The following ARL13B variants were observed in gnomAD, a reference collection of about 807,000 sequenced individuals.
The protein encoded by ARL13B is ADP-ribosylation factor-like protein 13B.
In ARL13B, 36 loss-of-function variants were observed where a neutral mutation model predicts 56.1. The ratio of observed to expected loss-of-function variants is 0.64; its 90% CI spans 0.49 to 0.85. The LOEUF is 0.85. Among genes scored for constraint, ARL13B ranks in the 40% least tolerant of loss-of-function variants. ARL13B has a pLI of 0.00. For synonymous variants in ARL13B, 178 were observed against 171.1 expected, an observed-to-expected ratio of 1.04 and a Z score of -0.32; for missense variants, 519 against 507.1, an observed-to-expected ratio of 1.02 and a Z score of -0.23.
intron 1 of ARL13B, among the ~76,000 whole-genome samples, chr3:93,987,235 C>T (rs538218854): frequency 2.6e-5 from 4 of 151,930 alleles, no homozygotes; most frequent in South Asian, 4.2e-4. Flanking sequence ...TCAAACAGTC[C>T]TCCTGTCTTG....
At chr3:94,042,455 A>G (rs2076879764) in intron 6 of ARL13B, among the ~76,000 whole-genome samples, 1 of 152,236 alleles carries the variant, frequency 6.6e-6, no homozygotes, top group South Asian at 2.1e-4. Context: ...TATGCTATAA[A>G]CATTCAAAAT....
At position 94,055,560 on chromosome 3, in the gene ARL13B, T is replaced by G. The variant is rs149269561; in HGVS notation, c.*2297T>G. ...CGTTAAAGCTGTTGGTCAACAGATA[T>G]GTTTTTATGTATTTAAAAGAGGCTC... On this transcript the variant is annotated 3_prime_UTR_variant, in exon 10 of 10. Transcript: ENST00000394222. 1 of 453,958 alleles carries G rather than the reference T, an allele frequency of 2.2e-6. No homozygotes were observed. Among genetic ancestry groups the G allele is most frequent in the Non-Finnish European group, 4.4e-6 (1 of 226,678 alleles). The allele number at this position is 453,958 out of a possible 1,614,324, so 28.1% of individuals were successfully genotyped here. A position where few individuals can be genotyped will look rare whatever the true frequency, so the allele number is the denominator to read the frequency against.
intron 1 of ARL13B, among the ~76,000 whole-genome samples, chr3:93,992,486 C>A (rs982344755): frequency 6.6e-6 from 1 of 152,066 alleles, no homozygotes; most frequent in African/African-American, 2.4e-5. Context: ...CTGTAATTAC[C>A]TCTCCAGTGC....
intron 3 of ARL13B, chr3:94,015,221 G>C (rs1361599470): frequency 3.1e-6 from 5 of 1,589,082 alleles, no homozygotes; most frequent in Non-Finnish European, 4.3e-6. Context: ...TCTCTAGAGA[G>C]TTCAATTTCC....
chr3:94,049,584 AAAAG>A (rs1348879004), intron 8 of ARL13B, 62 bp downstream of exon 8: 12 of 1,172,024 alleles, frequency 1.0e-5, no homozygotes, highest in African/African-American at 1.5e-5. Context: ...GAGAAAAAAA[AAAAG>A]AAAAAAGGAA....
chr3:94,014,066 A>T (rs1332029708), intron 3 of ARL13B, among the ~76,000 whole-genome samples: 1 of 152,232 alleles, frequency 6.6e-6, no homozygotes, highest in East Asian at 1.9e-4. Flanking sequence ...ATTACTACTT[A>T]ACACATGAGA....
At position 94,004,666 on chromosome 3, in the gene ARL13B, A is replaced by G. The variant is rs1313945211; in HGVS notation, c.380+758A>G. Among the ~76,000 whole-genome samples the G allele has an allele frequency of 3.3e-5, 5 of 151,828 alleles. No individual in the cohort carries two copies. The East Asian group carries it at 9.6e-4, about 29-fold the overall frequency. ...AAAAATCAACCTGTCATGTGGTTAGATGAAAAATTGTAGAGTTTCTCAGTG... is the reference window on the plus strand; with the variant it reads ...AAAAATCAACCTGTCATGTGGTTAGGTGAAAAATTGTAGAGTTTCTCAGTG... On this transcript the variant is annotated intron_variant, in intron 3 of 9. Transcript: ENST00000394222.
In ARL13B at chr3:94,009,988, A is replaced by ATATT. The variant is rs576819592; in HGVS notation, c.380+6081_380+6084dup. ...TTTGGCAGTGTTACTACGTAGCAAG[A>ATATT]TATTGTCCATGGACCACCTGCATCA... On this transcript the variant is annotated intron_variant, in intron 3 of 9. Coordinates refer to ENST00000394222, the MANE Select transcript of ARL13B (RefSeq NM_001174150.2). 3.1e-3 allele frequency among the ~76,000 whole-genome samples: 475 copies of ATATT among 152,234 alleles called. 4 individuals are homozygous for ATATT. The highest frequency in any genetic ancestry group is 0.011 in the African/African-American group (452 of 41,562).
At chr3:93,983,146 C>T (rs1164387983) in intron 1 of ARL13B, among the ~76,000 whole-genome samples, 1 of 152,050 alleles carries the variant, frequency 6.6e-6, no homozygotes, top group Non-Finnish European at 1.5e-5. Context: ...ATTCTGTACC[C>T]CAGTACCCAT....
At chr3:94,053,141 A>T (rs1460227829) in intron 9 of ARL13B, 46 bp from the exon 10 acceptor site, 2 of 1,466,082 alleles carry the variant, frequency 1.4e-6, no homozygotes, top group South Asian at 2.3e-5. Flanking sequence ...AAAAATCTTG[A>T]TGTACCATAA....
chr3:93,997,785 G>A (rs1398430142), intron 2 of ARL13B, among the ~76,000 whole-genome samples: 2 of 152,128 alleles, frequency 1.3e-5, no homozygotes, highest in South Asian at 2.1e-4. Context: ...ACAGGAGTTC[G>A]AGACCAGGCT....
At chr3:94,029,201 G>A (rs1046329434) in intron 3 of ARL13B, among the ~76,000 whole-genome samples, 13 of 148,358 alleles carry the variant, frequency 8.8e-5, no homozygotes, top group African/African-American at 3.2e-4. Context: ...AATTAAAAAT[G>A]AAAATTTCTC....
At chr3:94,008,731 A>G (rs1022837391) in intron 3 of ARL13B, among the ~76,000 whole-genome samples, 1 of 152,098 alleles carries the variant, frequency 6.6e-6, no homozygotes, top group Non-Finnish European at 1.5e-5. Flanking sequence ...GAATCTCCTA[A>G]TGCTTTTAAC....
At chr3:94,039,800 C>A in intron 5 of ARL13B, 80 bp from the exon 6 acceptor site, 1 of 1,150,428 alleles carries the variant, frequency 8.7e-7, no homozygotes, top group Non-Finnish European at 1.3e-6. Context: ...ATGTAATAGC[C>A]TTATACCTAT....
chr3:93,990,609 G>A (rs777630925), intron 1 of ARL13B, among the ~76,000 whole-genome samples: 24 of 152,130 alleles, frequency 1.6e-4, no homozygotes, highest in Non-Finnish European at 2.9e-4. Context: ...GGATTTTGGA[G>A]CATTTCAGAT....
In ARL13B at chr3:94,029,331, TATATTTA is replaced by T. The variant is rs1559997694; in HGVS notation, c.381-5999_381-5993del. 7.2e-3 allele frequency among the ~76,000 whole-genome samples: 670 copies of T among 93,568 alleles called. 16 individuals carry two copies. Among genetic ancestry groups the T allele is most frequent in the African/African-American group, 0.035 (604 of 17,442 alleles). The allele number at this position is 93,568 out of a possible 152,430, so 61.4% of individuals were successfully genotyped here. A position where few individuals can be genotyped will look rare whatever the true frequency, so the allele number is the denominator to read the frequency against. ...ATATATATATATATATATATATATA[TATATTTA>T]TTTTTTTTTTATTTTTTTTTTTTTT... On this transcript the variant is annotated intron_variant, in intron 3 of 9. Transcript: ENST00000394222.
At chr3:93,993,545 G>A (rs143430388) in intron 1 of ARL13B, among the ~76,000 whole-genome samples, 4 of 152,092 alleles carry the variant, frequency 2.6e-5, no homozygotes, top group Admixed American at 6.5e-5. Context: ...CTCAGCCTCC[G>A]GAGTGGCTGG....
At chr3:94,016,150 A>G (rs2076329736) in intron 3 of ARL13B, among the ~76,000 whole-genome samples, 1 of 152,192 alleles carries the variant, frequency 6.6e-6, no homozygotes, top group Non-Finnish European at 1.5e-5. Flanking sequence ...TACATATAAA[A>G]TGAAGGGAAT....
chr3:93,982,073 T>TC (rs1710249190), intron 1 of ARL13B, among the ~76,000 whole-genome samples: 1 of 152,184 alleles, frequency 6.6e-6, no homozygotes, highest in Admixed American at 6.6e-5. Context: ...GTATATAACT[T>TC]ACGTTCTTTT....
Sources: gnomAD v4.1 joint callset for allele counts (sites outside exome capture counted in the v4.1 genomes callset) on GRCh38, gnomAD v4.1.1 for gene constraint, MANE v1.5 for transcripts, NCBI Gene and HGNC (gene_info 2026-07-23, HGNC 2026-07-21) for gene names.